AUTS2: variants seen among roughly 807,000 people sequenced by gnomAD.
AUTS2 encodes activator of transcription and developmental regulator AUTS2.
Under a neutral mutation model 112.4 loss-of-function variants are expected in AUTS2, and 17 were observed. The ratio of observed to expected loss-of-function variants is 0.15; its 90% confidence interval spans 0.10 to 0.23. AUTS2 has a LOEUF of 0.23. AUTS2 is among the 10% of genes least tolerant of loss of function. The pLI is 1.00. For missense variants in AUTS2, 1,510 were observed against 1,701.6 expected (o/e 0.89, Z 1.98); for synonymous variants, 751 against 702.7 (o/e 1.07, Z -1.09).
chr7:69,894,084 C>G (rs1253471542), intron 1 of AUTS2, among the ~76,000 whole-genome samples: 1 of 152,088 alleles, frequency 6.6e-6, no homozygotes, highest in East Asian at 1.9e-4. Context: ...CAACTATTCT[C>G]CAAACCTATT....
chr7:70,390,966 G>C (rs991147917), intron 4 of AUTS2, among the ~76,000 whole-genome samples: 7 of 152,192 alleles, frequency 4.6e-5, no homozygotes, highest in Non-Finnish European at 1.0e-4. Flanking sequence ...GACCGAATCT[G>C]TGCTGATAAC....
chr7:69,602,782 C>G (rs1792504191), intron 1 of AUTS2, among the ~76,000 whole-genome samples: 1 of 152,194 alleles, frequency 6.6e-6, no homozygotes, highest in African/African-American at 2.4e-5. Flanking sequence ...TAAAAACACA[C>G]AATGGGAAAT....
At chr7:69,674,005 T>C (rs1796448551) in intron 1 of AUTS2, among the ~76,000 whole-genome samples, 1 of 152,246 alleles carries the variant, frequency 6.6e-6, no homozygotes, top group Non-Finnish European at 1.5e-5. Flanking sequence ...AAATATTTAA[T>C]TTATGTATTT....
At chr7:70,524,814 G>C (rs979068067) in intron 5 of AUTS2, among the ~76,000 whole-genome samples, 5 of 152,160 alleles carry the variant, frequency 3.3e-5, no homozygotes, top group Non-Finnish European at 5.9e-5. Flanking sequence ...AATATATGCT[G>C]TCTGCAAGAC....
chr7:69,923,831 T>C (rs1795905892), intron 2 of AUTS2, among the ~76,000 whole-genome samples: 3 of 152,210 alleles, frequency 2.0e-5, no homozygotes, highest in Admixed American at 1.3e-4. Context: ...TTATTAGTTC[T>C]AGTAGTTTTT....
chr7:70,279,407 A>G (rs1191147096), intron 4 of AUTS2, among the ~76,000 whole-genome samples: 1 of 152,192 alleles, frequency 6.6e-6, no homozygotes, highest in Non-Finnish European at 1.5e-5. Flanking sequence ...CAGAACCCGA[A>G]CGAGGCTACT....
chr7:70,063,680 T>C (rs1802360354), intron 2 of AUTS2, among the ~76,000 whole-genome samples: 1 of 152,206 alleles, frequency 6.6e-6, no homozygotes, highest in African/African-American at 2.4e-5. Context: ...CCATTTTGCC[T>C]GAGTTTTTGT....
chr7:70,509,538 G>C (rs1234011683), intron 5 of AUTS2, among the ~76,000 whole-genome samples: 2 of 152,130 alleles, frequency 1.3e-5, no homozygotes, highest in Admixed American at 1.3e-4. Context: ...GGATTCTTTA[G>C]TTTACAGATT....
At chr7:70,254,780 A>G (rs1346873670) in intron 4 of AUTS2, among the ~76,000 whole-genome samples, 2 of 152,230 alleles carry the variant, frequency 1.3e-5, no homozygotes, top group Non-Finnish European at 2.9e-5. Context: ...TCTAGAACAG[A>G]TGGTTCTTCT....
chr7:70,722,591 A>G (rs1177545638), intron 6 of AUTS2, among the ~76,000 whole-genome samples: 1 of 152,152 alleles, frequency 6.6e-6, no homozygotes, highest in Non-Finnish European at 1.5e-5. Context: ...TTAAGAAAGG[A>G]TTTAACTAAT....
chr7:70,337,104 A>G (rs1445128903), intron 4 of AUTS2, among the ~76,000 whole-genome samples: 1 of 152,168 alleles, frequency 6.6e-6, no homozygotes, highest in African/African-American at 2.4e-5. Flanking sequence ...TGAATTTTTC[A>G]TGCAGTAATT....
At chr7:69,601,071 A>G (rs1215950910) in intron 1 of AUTS2, among the ~76,000 whole-genome samples, 1 of 151,866 alleles carries the variant, frequency 6.6e-6, no homozygotes, top group Non-Finnish European at 1.5e-5. Flanking sequence ...TTGGTGTGGT[A>G]TTGGTCATTG....
At chr7:70,472,520 G>A (rs1797431008) in intron 5 of AUTS2, among the ~76,000 whole-genome samples, 1 of 152,044 alleles carries the variant, frequency 6.6e-6, no homozygotes, top group South Asian at 2.1e-4. Flanking sequence ...ACTGATTTAT[G>A]TACACTATAT....
At chr7:70,605,065 A>G (rs1196707272) in intron 5 of AUTS2, among the ~76,000 whole-genome samples, 6 of 152,186 alleles carry the variant, frequency 3.9e-5, no homozygotes, top group Admixed American at 1.3e-4. Context: ...TAAGCACGCA[A>G]ATGGTCATGA....
intron 5 of AUTS2, among the ~76,000 whole-genome samples, chr7:70,685,164 C>T (rs1306710195): frequency 6.6e-6 from 1 of 152,064 alleles, no homozygotes; most frequent in Non-Finnish European, 1.5e-5. Flanking sequence ...TGAGGGTCCT[C>T]AGATCAGATA....
intron 1 of AUTS2, among the ~76,000 whole-genome samples, chr7:69,602,458 A>G (rs969837338): frequency 6.6e-6 from 1 of 152,238 alleles, no homozygotes; most frequent in Non-Finnish European, 1.5e-5. Context: ...AAAATTAAAC[A>G]TACAGAAGTA....
chr7:70,430,402 A>G (rs1439138276), intron 4 of AUTS2, among the ~76,000 whole-genome samples: 1 of 152,234 alleles, frequency 6.6e-6, no homozygotes, highest in Non-Finnish European at 1.5e-5. Flanking sequence ...ACTTGGTACC[A>G]TGCACTAAGT....
intron 1 of AUTS2, among the ~76,000 whole-genome samples, chr7:69,876,378 A>ATATATG (rs1271958199): frequency 2.7e-4 from 30 of 113,096 alleles, no homozygotes; most frequent in South Asian, 8.3e-4. Context: ...ATATATATAT[A>ATATATG]TATATGTATA....
rs559084410 is a variant in AUTS2 at position 70,792,531 on chromosome 7, A to G, written c.*1535A>G. On this transcript the variant is annotated 3_prime_UTR_variant, in exon 19 of 19. Coordinates refer to ENST00000342771, the MANE Select transcript of AUTS2 (RefSeq NM_015570.4). ...AAGTTAACTACAGACCATTGTTTCT[A>G]ATAAGCAGAGAGATCTATTTTAGTA... 6.7e-6 allele frequency: 1 copy of G among 149,910 alleles called. No individual in the cohort carries two copies. Among genetic ancestry groups the G allele is most frequent in the Non-Finnish European group, 1.5e-5 (1 of 67,610 alleles). The allele number at this position is 149,910 out of a possible 1,614,324, so 9.3% of individuals were successfully genotyped here.
Sources: allele counts gnomAD v4.1 joint callset (sites outside exome capture counted in the v4.1 genomes callset), GRCh38; gene constraint gnomAD v4.1.1; transcripts MANE v1.5; gene names NCBI Gene and HGNC (gene_info 2026-07-23, HGNC 2026-07-21).